The following TYW3 variants were observed in gnomAD, a reference collection of about 807,000 sequenced individuals.
TYW3 encodes tRNA-yW synthesizing protein 3 homolog, also known as tRNA wybutosine-synthesizing protein 3 homolog.
Under a neutral mutation model 23.1 loss-of-function variants are expected in TYW3, and 26 were observed. That is an observed-to-expected ratio of 1.13 (90% confidence interval 0.83 to 1.56). TYW3 has a LOEUF of 1.56. Ranked by LOEUF, TYW3 falls within the 40% of genes most tolerant of loss-of-function variation. The probability of loss-of-function intolerance (pLI) is 0.00; values close to 1 mark genes in which losing one functional copy is unlikely to be tolerated. For missense variants in TYW3, 316 were observed against 311.9 expected, an observed-to-expected ratio of 1.01 and a Z score of -0.10; for synonymous variants, 102 against 105.7, an observed-to-expected ratio of 0.97 and a Z score of 0.21.
chr1:74,756,867 G>A (rs1044647281), intron 5 of TYW3, among the ~76,000 whole-genome samples: 11 of 152,216 alleles, frequency 7.2e-5, no homozygotes, highest in Non-Finnish European at 1.5e-4. Flanking sequence ...CAAGGTCCCT[G>A]TGCTGTGTGC....
intron 5 of TYW3, 144 bp downstream of exon 5, chr1:74,752,569 A>G (rs1570072801): frequency 3.9e-6 from 3 of 775,218 alleles, no homozygotes; most frequent in Non-Finnish European, 5.7e-6. Context: ...CATTAATAAT[A>G]AAAAGATGAT....
At chr1:74,756,058 C>T (rs1648944293) in intron 5 of TYW3, among the ~76,000 whole-genome samples, 1 of 152,188 alleles carries the variant, frequency 6.6e-6, no homozygotes, top group African/African-American at 2.4e-5. Context: ...ACATGCCTTT[C>T]ACCTTCCACC....
At chr1:74,747,769 ATG>A (rs1224871101) in intron 3 of TYW3, among the ~76,000 whole-genome samples, 1 of 150,786 alleles carries the variant, frequency 6.6e-6, no homozygotes, top group African/African-American at 2.5e-5. Flanking sequence ...GTATGTGTAT[ATG>A]TGTGTATATG....
intron 3 of TYW3, among the ~76,000 whole-genome samples, chr1:74,740,629 G>A (rs531296498): frequency 6.6e-6 from 1 of 152,208 alleles, no homozygotes; most frequent in Non-Finnish European, 1.5e-5. Flanking sequence ...TTTACAGAGT[G>A]CTGATTGGTG....
intron 5 of TYW3, among the ~76,000 whole-genome samples, chr1:74,753,836 A>G (rs1040413407): frequency 2.0e-5 from 3 of 152,044 alleles, no homozygotes; most frequent in Non-Finnish European, 4.4e-5. Flanking sequence ...TTGAGTGACT[A>G]TTTTCTGAAT....
chr1:74,749,741 C>T (rs753589782), intron 4 of TYW3, among the ~76,000 whole-genome samples: 8 of 151,682 alleles, frequency 5.3e-5, no homozygotes, highest in Non-Finnish European at 1.5e-5. Context: ...CCAAGGCAGG[C>T]GAATCACGAG....
rs1649261210 is a variant in TYW3, at chr1:74,765,185, T to G, written c.*1072T>G. ...TTTTAGAACCCACTGATAACAGACT[T>G]ATTCCTGGAGACAGCATTTGAGGAG... On this transcript the variant is annotated 3_prime_UTR_variant, in exon 6 of 6. Coordinates refer to ENST00000370867, the MANE Select transcript of TYW3 (RefSeq NM_138467.3). 6.6e-6 allele frequency: 1 copy of G among 152,152 alleles called. No individual in the cohort carries two copies. Among genetic ancestry groups the G allele is most frequent in the South Asian group, 2.1e-4 (1 of 4,834 alleles). 9.4% of individuals were successfully genotyped at this position (152,152 alleles called of 1,614,324 possible).
intron 4 of TYW3, among the ~76,000 whole-genome samples, chr1:74,749,128 T>C (rs1474058584): frequency 6.6e-6 from 1 of 152,002 alleles, no homozygotes; most frequent in Non-Finnish European, 1.5e-5. Flanking sequence ...ACAGAGAGAG[T>C]TCAAAGTCCC....
chr1:74,759,522 AC>A (rs1475030264), intron 5 of TYW3, among the ~76,000 whole-genome samples: 6 of 151,776 alleles, frequency 4.0e-5, no homozygotes, highest in Non-Finnish European at 8.8e-5. Flanking sequence ...GTCAAGTCTT[AC>A]CATTTCTAAA....
intron 5 of TYW3, among the ~76,000 whole-genome samples, chr1:74,754,909 G>A (rs1041800206): frequency 2.6e-5 from 4 of 152,044 alleles, no homozygotes; most frequent in Admixed American, 6.6e-5. Flanking sequence ...CATACATAAC[G>A]ATCTAGAGAA....
intron 5 of TYW3, among the ~76,000 whole-genome samples, chr1:74,756,048 A>G (rs1648943806): frequency 6.6e-6 from 1 of 152,188 alleles, no homozygotes; most frequent in African/African-American, 2.4e-5. Context: ...GCCATGTGAG[A>G]CATGCCTTTC....
In TYW3 at chr1:74,753,125, A is replaced by C. The variant is rs188250394; in HGVS notation, c.560+700A>C. Among the ~76,000 whole-genome samples, 424 of 152,342 alleles carry C rather than the reference A, an allele frequency of 2.8e-3. 1 individual carries two copies. The highest frequency in any genetic ancestry group is 0.01 in the Middle Eastern group (3 of 294). On this transcript the variant is annotated intron_variant, in intron 5 of 5. Transcript: ENST00000370867. The stretch of plus-strand genomic sequence containing the variant: ...ATGAAAGTAATGCCACTGACCTACC[A>C]TCAGCTAGATGCACAGTTTTGAGTT...
intron 3 of TYW3, among the ~76,000 whole-genome samples, chr1:74,746,000 C>A (rs972028460): frequency 2.6e-5 from 4 of 152,202 alleles, no homozygotes; most frequent in Admixed American, 2.0e-4. Flanking sequence ...TAATTAACAC[C>A]TTAAAGGCCT....
chr1:74,746,307 T>C (rs1278184254), intron 3 of TYW3, among the ~76,000 whole-genome samples: 1 of 152,158 alleles, frequency 6.6e-6, no homozygotes, highest in African/African-American at 2.4e-5. Context: ...CTCCAAAACA[T>C]GGTGTTTAAT....
chr1:74,743,428 T>C (rs1648434131), intron 3 of TYW3, among the ~76,000 whole-genome samples: 1 of 152,170 alleles, frequency 6.6e-6, no homozygotes. Context: ...TTTCTTCTGA[T>C]ACCTGCAGCT....
At chr1:74,755,081 T>C (rs1648908035) in intron 5 of TYW3, among the ~76,000 whole-genome samples, 2 of 152,102 alleles carry the variant, frequency 1.3e-5, no homozygotes. Context: ...TTACATAAAA[T>C]GTACAATAAA....
Position 74,737,605 on chromosome 1 carries a change from G to A in TYW3, c.255+983G>A, listed in dbSNP as rs546911967. ...GTGTGAAGGCAGGACGATGTTGCCC[G>A]GGGATGCTGGGCAGACAGAAATAAT... On this transcript the variant is annotated intron_variant, in intron 2 of 5. Coordinates refer to ENST00000370867, the MANE Select transcript of TYW3 (RefSeq NM_138467.3). Among the ~76,000 whole-genome samples the A allele has an allele frequency of 9.7e-4, 148 of 152,270 alleles. 1 individual carries two copies. Among genetic ancestry groups the A allele is most frequent in the African/African-American group, 3.3e-3 (139 of 41,538 alleles).
In TYW3 at chr1:74,765,220, A is replaced by AT. The variant is rs144952057; in HGVS notation, c.*1112dup. The AT allele has an allele frequency of 6.6e-6, 1 of 152,114 alleles. No homozygotes were observed. The highest frequency in any genetic ancestry group is 2.4e-5 in the African/African-American group (1 of 41,438). 9.4% of individuals were successfully genotyped at this position (152,114 alleles called of 1,614,324 possible). On this transcript the variant is annotated 3_prime_UTR_variant, in exon 6 of 6. Transcript: ENST00000370867. ...GACAGCATTTGAGGAGGAATTGAAG[A>AT]TTTTTCTAATGAAAAGAAAAAGGGT...
intron 1 of TYW3, among the ~76,000 whole-genome samples, chr1:74,735,371 G>A (rs1278105404): frequency 6.6e-6 from 1 of 151,808 alleles, no homozygotes; most frequent in Non-Finnish European, 1.5e-5. Context: ...CTGCATATCT[G>A]AGACATGATT....
Sources: allele counts gnomAD v4.1 joint callset (sites outside exome capture counted in the v4.1 genomes callset), GRCh38; gene constraint gnomAD v4.1.1; transcripts MANE v1.5; gene names NCBI Gene and HGNC (gene_info 2026-07-23, HGNC 2026-07-21).